TECTA: variants seen among roughly 807,000 people sequenced by gnomAD.
TECTA encodes the protein tectorin alpha, also known as alpha-tectorin.
TECTA carries 128 observed loss-of-function variants against 216.8 expected under a neutral mutation model. The ratio of observed to expected loss-of-function variants is 0.59; its 90% CI spans 0.51 to 0.68. TECTA has a LOEUF of 0.68. Among genes scored for constraint, TECTA ranks in the 30% least tolerant of loss-of-function variants. The pLI is 0.00. For missense variants in TECTA, 2,551 were observed against 2,786.2 expected (o/e 0.92, Z 1.90); for synonymous variants, 1,089 against 1,117.1 (o/e 0.97, Z 0.50).
At chr11:121,149,743 T>C (rs1946871964) in intron 12 of TECTA, among the ~76,000 whole-genome samples, 1 of 152,228 alleles carries the variant, frequency 6.6e-6, no homozygotes, top group Admixed American at 6.5e-5. Flanking sequence ...GCACAGATGC[T>C]GGGTATGGCA....
rs769583047 is a variant in TECTA, at chr11:121,189,284, C to T, written c.6250+117C>T. Reference sequence around the variant, plus strand: ...ACAAGGAGGCTGGTGTTGGGGACACCGGTTTGAGAACATCACCTGCTTCCT... The same window carrying T: ...ACAAGGAGGCTGGTGTTGGGGACACTGGTTTGAGAACATCACCTGCTTCCT... On this transcript the variant is annotated intron_variant, in intron 22 of 23. Coordinates refer to ENST00000392793, the MANE Select transcript of TECTA (RefSeq NM_005422.4). 3.3e-5 allele frequency: 32 copies of T among 966,832 alleles called. No homozygotes were observed. In the African/African-American group the frequency reaches 3.4e-4, roughly 10 times the overall value. 59.9% of individuals were successfully genotyped at this position (966,832 alleles called of 1,614,324 possible). A position where few individuals can be genotyped will look rare whatever the true frequency, so the allele number is the denominator to read the frequency against.
At position 121,118,542 on chromosome 11, in the gene TECTA, T is replaced by C. The variant is rs1168869576; in HGVS notation, c.1027T>C (p.Ser343Pro). 6.2e-7 allele frequency: 1 copy of C among 1,614,148 alleles called. No homozygotes were observed. The highest frequency in any genetic ancestry group is 1.1e-5 in the South Asian group (1 of 91,076). The change falls in exon 7 of 24, where the codon TCC becomes CCC. Residue 343 changes from serine (S) to proline (P), a missense_variant. This residue lies in a region of TECTA where 2,375 missense variants were observed against 2,563.9 expected (regional missense o/e 0.93). Coordinates refer to ENST00000392793, the MANE Select transcript of TECTA (RefSeq NM_005422.4). The stretch of plus-strand genomic sequence containing the variant: ...CGGCTTCCTCTTCCACTTCCAAGGC[T>C]CCTGTGCCTACTTGCTGGCCCGACA... ...FDGFLFHFQG[S>P]CAYLLARQCL... is the part of the protein sequence containing the mutation.
At chr11:121,115,288 T>C (rs1411183187) in intron 6 of TECTA, among the ~76,000 whole-genome samples, 1 of 151,514 alleles carries the variant, frequency 6.6e-6, no homozygotes, top group Non-Finnish European at 1.5e-5. Context: ...CATCCAGCCA[T>C]TTAGCAAGCC....
chr11:121,168,176 T>C lies in TECTA; in HGVS notation c.5709T>C (p.Asp1903=). 2 of 1,614,230 alleles carry C rather than the reference T, an allele frequency of 1.2e-6. No homozygotes were observed. The highest frequency in any genetic ancestry group is 1.7e-6 in the Non-Finnish European group (2 of 1,180,036). ...AATTTTCATGTGCTTATGAGCTGGA[T>C]ATCAAGATCTCCTTGGATTCTGTTG... ...NVEFSCAYEL[D]IKISLDSVVK... is the part of the protein sequence containing the mutation. Residue 1903 remains aspartate, a synonymous_variant, in exon 19 of 24, where the codon GAT becomes GAC. Coordinates refer to ENST00000392793, the MANE Select transcript of TECTA (RefSeq NM_005422.4).
chr11:121,169,896 A>G (rs1042607718), intron 20 of TECTA, among the ~76,000 whole-genome samples: 9 of 152,182 alleles, frequency 5.9e-5, no homozygotes, highest in Non-Finnish European at 1.2e-4. Context: ...CTATTTTGAA[A>G]TATACAATAA....
intron 7 of TECTA, 51 bp downstream of exon 7, chr11:121,118,769 C>T: frequency 6.2e-7 from 1 of 1,606,876 alleles, no homozygotes. Context: ...GGAGATTCTT[C>T]AGCCTAGGGA....
chr11:121,134,184 G>A (rs1403335890), intron 10 of TECTA, among the ~76,000 whole-genome samples: 2 of 152,024 alleles, frequency 1.3e-5, no homozygotes, highest in Non-Finnish European at 2.9e-5. Context: ...GCCCCATGCT[G>A]GAATCAGCTT....
chr11:121,189,197 A>G, intron 22 of TECTA, 30 bp downstream of exon 22: 1 of 1,604,966 alleles, frequency 6.2e-7, no homozygotes, highest in Non-Finnish European at 8.5e-7. Flanking sequence ...CACACCCTAA[A>G]TTATTAAAAC....
chr11:121,113,339 A>T lies in TECTA; in HGVS notation c.624+130A>T. The T allele has an allele frequency of 6.5e-7, 1 of 1,532,956 alleles. No homozygotes were observed. Among genetic ancestry groups the T allele is most frequent in the Non-Finnish European group, 8.9e-7 (1 of 1,119,674 alleles). 95.0% of individuals were successfully genotyped at this position (1,532,956 alleles called of 1,614,324 possible). On this transcript the variant is annotated intron_variant, in intron 5 of 23. Transcript: ENST00000392793. The surrounding 1 kb of genome is among the most constrained non-coding windows in gnomAD (Gnocchi z 4.2). ...GACGCAGGTCTGATCTCGCAGGTGG[A>T]CTACGAGGCTAGTCCTGCCCATGTT...
chr11:121,183,596 C>T (rs1053967654), intron 20 of TECTA, among the ~76,000 whole-genome samples: 19 of 152,060 alleles, frequency 1.2e-4, no homozygotes, highest in Admixed American at 1.1e-3. Flanking sequence ...TGTTGAATTC[C>T]AGTGTTCTTT....
intron 10 of TECTA, among the ~76,000 whole-genome samples, chr11:121,131,082 C>T (rs111756945): frequency 3.3e-5 from 5 of 152,074 alleles, no homozygotes; most frequent in South Asian, 4.2e-4. Flanking sequence ...GGCGTGGTGG[C>T]GGGGGCCTGT....
intron 20 of TECTA, among the ~76,000 whole-genome samples, chr11:121,181,986 T>G (rs1189180234): frequency 6.6e-6 from 1 of 152,216 alleles, no homozygotes; most frequent in Non-Finnish European, 1.5e-5. Context: ...CCATATGATT[T>G]CTTCAGCTGT....
At chr11:121,168,369 A>T (rs977758715) in intron 19 of TECTA, 152 bp downstream of exon 19, 1 of 1,061,624 alleles carries the variant, frequency 9.4e-7, no homozygotes, top group South Asian at 1.3e-5. Context: ...AACATTGTTC[A>T]ATAGAACTCT....
At chr11:121,109,598 T>C (rs1216149447) in intron 4 of TECTA, 100 bp downstream of exon 4, 20 of 1,443,170 alleles carry the variant, frequency 1.4e-5, no homozygotes, top group East Asian at 1.1e-4. Flanking sequence ...AGCTAAGGAG[T>C]GTCAGTTCCC....
In TECTA at chr11:121,146,064, C is replaced by G. The variant is rs776711314; in HGVS notation, c.4053C>G (p.Thr1351=). Residue 1351 remains threonine, a synonymous_variant, in exon 12 of 24, where the codon ACC becomes ACG. Coordinates refer to ENST00000392793, the MANE Select transcript of TECTA (RefSeq NM_005422.4). ...GCTGGCTGCAGAACTACGCCAGCAC[C>G]TGCCAGACTCAGGGGATTACGGTGA... ...ACSWLQNYAS[T]CQTQGITVTG... 6.2e-7 allele frequency: 1 copy of G among 1,613,182 alleles called. No individual in the cohort carries two copies. The highest frequency in any genetic ancestry group is 1.1e-5 in the South Asian group (1 of 91,092).
intron 20 of TECTA, among the ~76,000 whole-genome samples, chr11:121,170,531 C>A (rs1299767600): frequency 1.3e-5 from 2 of 151,940 alleles, no homozygotes; most frequent in Non-Finnish European, 2.9e-5. Context: ...GTACTCATTT[C>A]TAGTCCCACC....
In TECTA at chr11:121,104,875, C is replaced by T. The variant is rs1309780959; in HGVS notation, c.65-956C>T. Among the ~76,000 whole-genome samples the T allele has an allele frequency of 2.6e-5, 4 of 151,982 alleles. No individual in the cohort carries two copies. The South Asian group carries it at 6.2e-4, about 24-fold the overall frequency. On this transcript the variant is annotated intron_variant, in intron 2 of 23. Coordinates refer to ENST00000392793, the MANE Select transcript of TECTA (RefSeq NM_005422.4). Reference sequence around the variant, plus strand: ...TAAAGAAAGGAAAAAAGGGAGAAAACGATAGTGTCCTATTGTCTTATATTC... The same window carrying T: ...TAAAGAAAGGAAAAAAGGGAGAAAATGATAGTGTCCTATTGTCTTATATTC...
intron 20 of TECTA, among the ~76,000 whole-genome samples, chr11:121,180,039 T>C (rs640332): frequency 0.46 from 69,054 of 150,404 alleles, 18,519 homozygotes; most frequent in African/African-American, 0.75. Flanking sequence ...AATCTGCTTA[T>C]ATTCAAGGTT....
In TECTA at chr11:121,127,353, T is replaced by G. The variant is rs536118648; in HGVS notation, c.1775-399T>G. ...TTTTCATTTCTCCTGAAAATTGGAT[T>G]TATTTCCTTCTAAGAATGGACCATG... is the stretch of plus-strand genomic sequence containing the variant. On this transcript the variant is annotated intron_variant, in intron 8 of 23. Transcript: ENST00000392793. The surrounding 1 kb of genome is among the most constrained non-coding windows in gnomAD (Gnocchi z 5.0). Among the ~76,000 whole-genome samples, 19 of 152,324 alleles carry G rather than the reference T, an allele frequency of 1.2e-4. No individual in the cohort carries two copies. The highest frequency in any genetic ancestry group is 3.4e-4 in the African/African-American group (14 of 41,566).
Sources: allele counts gnomAD v4.1 joint callset (sites outside exome capture counted in the v4.1 genomes callset), GRCh38; gene constraint gnomAD v4.1.1; regional missense constraint gnomAD v4.1.1; non-coding constraint Gnocchi (gnomAD v3.1); transcripts MANE v1.5; gene names NCBI Gene and HGNC (gene_info 2026-07-23, HGNC 2026-07-21).